The following PDSS2 variants were observed in gnomAD, a reference collection of about 807,000 sequenced individuals.
PDSS2 encodes all trans-polyprenyl-diphosphate synthase PDSS2.
Under a neutral mutation model 44.5 loss-of-function variants are expected in PDSS2, and 31 were observed. That is an observed-to-expected ratio of 0.70 (90% CI 0.52 to 0.94). The LOEUF is 0.94. PDSS2 is among the 40% of genes least tolerant of loss of function. PDSS2 has a pLI of 0.00. For missense variants in PDSS2, 452 were observed against 482.2 expected (o/e 0.94, Z 0.59); for synonymous variants, 157 against 180.3 (o/e 0.87, Z 1.03).
chr6:107,240,399 T>A (rs1294551453), intron 4 of PDSS2, among the ~76,000 whole-genome samples: 19 of 86,826 alleles, frequency 2.2e-4, no homozygotes, highest in Non-Finnish European at 2.5e-5. Context: ...AGACCCTACC[T>A]TTTTTTTTTT....
At chr6:107,193,976 T>C in intron 6 of PDSS2, 122 bp from the exon 7 acceptor site, 3 of 717,360 alleles carry the variant, frequency 4.2e-6, no homozygotes, top group East Asian at 5.3e-5. Flanking sequence ...CTCTATTTAA[T>C]ATACATATTG....
chr6:107,369,093 T>C (rs572717442), intron 1 of PDSS2, among the ~76,000 whole-genome samples: 2 of 152,306 alleles, frequency 1.3e-5, no homozygotes, highest in South Asian at 4.1e-4. Context: ...CCAATGGTGC[T>C]GGGGCAACTG....
intron 4 of PDSS2, among the ~76,000 whole-genome samples, chr6:107,225,468 T>C (rs1303421428): frequency 6.6e-6 from 1 of 151,896 alleles, no homozygotes; most frequent in African/African-American, 2.4e-5. Context: ...CTATCTTTTA[T>C]AACCTAATCT....
chr6:107,416,973 A>G (rs1190720799), intron 1 of PDSS2, among the ~76,000 whole-genome samples: 1 of 152,162 alleles, frequency 6.6e-6, no homozygotes, highest in African/African-American at 2.4e-5. Flanking sequence ...TCACACCTGT[A>G]TTCCTAGCAC....
chr6:107,382,657 G>A lies in PDSS2; in HGVS notation c.297-48325C>T, dbSNP rs1779488024. On this transcript the variant is annotated intron_variant, in intron 1 of 7. Transcript: ENST00000369037. ...GTTCAAGACTAGCCTGGACAACATAGTGAGACTCCCTCTCTACAAAAAATA... is the reference window on the plus strand; with the variant it reads ...GTTCAAGACTAGCCTGGACAACATAATGAGACTCCCTCTCTACAAAAAATA... Among the ~76,000 whole-genome samples the A allele has an allele frequency of 6.6e-5, 10 of 152,226 alleles. No individual in the cohort carries two copies. The South Asian group carries it at 2.1e-3, about 31-fold the overall frequency.
chr6:107,289,322 G>A (rs1438254435), intron 2 of PDSS2, among the ~76,000 whole-genome samples: 4 of 149,276 alleles, frequency 2.7e-5, no homozygotes, highest in South Asian at 2.1e-4. Flanking sequence ...GTAGTGAGCC[G>A]ATATCGTGCC....
At chr6:107,370,795 A>G (rs902895692) in intron 1 of PDSS2, among the ~76,000 whole-genome samples, 2 of 152,218 alleles carry the variant, frequency 1.3e-5, no homozygotes, top group South Asian at 4.1e-4. Context: ...GATGCTCAGA[A>G]TATCTGGTTA....
intron 1 of PDSS2, among the ~76,000 whole-genome samples, chr6:107,361,613 C>T (rs1459593601): frequency 6.6e-6 from 1 of 152,068 alleles, no homozygotes; most frequent in African/African-American, 2.4e-5. Context: ...CCAATTAAGG[C>T]CATCATTACT....
intron 1 of PDSS2, among the ~76,000 whole-genome samples, chr6:107,458,186 G>GAA (rs539608567): frequency 7.0e-6 from 1 of 143,174 alleles, no homozygotes. Context: ...TTAAGTGGAA[G>GAA]AAAAAAAAAA....
At chr6:107,233,870 A>G (rs1384775691) in intron 4 of PDSS2, among the ~76,000 whole-genome samples, 1 of 152,022 alleles carries the variant, frequency 6.6e-6, no homozygotes, top group Admixed American at 6.6e-5. Context: ...GAAACAATTA[A>G]TCTAGAATTT....
rs60988844 is a variant in PDSS2 at position 107,227,278 on chromosome 6, C to CTTTTTTTTTTTTTTTTT, written c.703-15013_703-14997dup. On this transcript the variant is annotated intron_variant, in intron 4 of 7. Coordinates refer to ENST00000369037, the MANE Select transcript of PDSS2 (RefSeq NM_020381.4). ...GATTATAGGTGTAAGCCACTGTGCC[C>CTTTTTTTTTTTTTTTTT]TTTTTTTTTTTTTTTTTTTTTTTTT... Among the ~76,000 whole-genome samples, 17 of 102,810 alleles carry CTTTTTTTTTTTTTTTTT rather than the reference C, an allele frequency of 1.7e-4. 1 individual carries two copies. Among genetic ancestry groups the CTTTTTTTTTTTTTTTTT allele is most frequent in the South Asian group, 6.0e-4 (2 of 3,352 alleles). The allele number at this position is 102,810 out of a possible 152,430, so 67.4% of individuals were successfully genotyped here. A position where few individuals can be genotyped will look rare whatever the true frequency, so the allele number is the denominator to read the frequency against.
intron 1 of PDSS2, among the ~76,000 whole-genome samples, chr6:107,391,856 T>C (rs1779794058): frequency 6.6e-6 from 1 of 151,028 alleles, no homozygotes; most frequent in South Asian, 2.1e-4. Flanking sequence ...ACATGCTCAT[T>C]TTTTTTTAAG....
At chr6:107,222,324 A>G (rs1004844115) in intron 4 of PDSS2, among the ~76,000 whole-genome samples, 2 of 152,182 alleles carry the variant, frequency 1.3e-5, no homozygotes, top group African/African-American at 4.8e-5. Flanking sequence ...TTATTATAAC[A>G]GCCCTCAGAA....
intron 7 of PDSS2, among the ~76,000 whole-genome samples, chr6:107,155,877 CTTTTTTTTTTTTTT>C (rs60840656): frequency 2.1e-4 from 11 of 51,666 alleles, no homozygotes; most frequent in Admixed American, 1.3e-3. Flanking sequence ...CTTGCCCGGC[CTTTTTTTTTTTTTT>C]TTTTTTTTTT....
intron 7 of PDSS2, among the ~76,000 whole-genome samples, chr6:107,157,630 G>T (rs1477082404): frequency 6.6e-6 from 1 of 151,742 alleles, no homozygotes; most frequent in Non-Finnish European, 1.5e-5. Context: ...TGGGTACCTG[G>T]AGTACTCCCT....
At chr6:107,391,237 C>T (rs1779770431) in intron 1 of PDSS2, among the ~76,000 whole-genome samples, 1 of 152,036 alleles carries the variant, frequency 6.6e-6, no homozygotes, top group Non-Finnish European at 1.5e-5. Flanking sequence ...AGGCCCACAA[C>T]ACTGTATCTA....
chr6:107,399,833 CT>C (rs986686854), intron 1 of PDSS2, among the ~76,000 whole-genome samples: 5 of 151,220 alleles, frequency 3.3e-5, no homozygotes, highest in Admixed American at 6.6e-5. Context: ...TATCAGCAAT[CT>C]TTTTTTTTCC....
chr6:107,179,801 G>T (rs889622345), intron 7 of PDSS2, among the ~76,000 whole-genome samples: 10 of 152,140 alleles, frequency 6.6e-5, no homozygotes, highest in Admixed American at 6.5e-4. Context: ...TGTGGTAAGT[G>T]GGGAGGCTGA....
At chr6:107,435,580 G>C (rs1263487512) in intron 1 of PDSS2, among the ~76,000 whole-genome samples, 1 of 152,154 alleles carries the variant, frequency 6.6e-6, no homozygotes, top group East Asian at 1.9e-4. Flanking sequence ...AAGTTAGAGA[G>C]AGATGTTAAA....
Sources: allele counts gnomAD v4.1 joint callset (sites outside exome capture counted in the v4.1 genomes callset), GRCh38; gene constraint gnomAD v4.1.1; transcripts MANE v1.5; gene names NCBI Gene and HGNC (gene_info 2026-07-23, HGNC 2026-07-21).